GABBR2: variants seen among roughly 807,000 people sequenced by gnomAD.
The protein encoded by GABBR2 is G-protein coupled receptor 51.
In GABBR2, 23 loss-of-function variants were observed where a neutral mutation model predicts 105.6. That is an observed-to-expected ratio of 0.22 (90% CI 0.16 to 0.31). GABBR2 has a LOEUF of 0.31. Among genes scored for constraint, GABBR2 ranks in the 10% least tolerant of loss-of-function variants. GABBR2 has a pLI of 1.00. For missense variants in GABBR2, 734 were observed against 1,245.5 expected, an observed-to-expected ratio of 0.59 and a Z score of 6.18; for synonymous variants, 478 against 499.7, an observed-to-expected ratio of 0.96 and a Z score of 0.58.
intron 18 of GABBR2, among the ~76,000 whole-genome samples, chr9:98,293,319 C>T (rs1466089240): frequency 1.3e-5 from 2 of 152,110 alleles, no homozygotes; most frequent in Non-Finnish European, 2.9e-5. Flanking sequence ...GTTTGACATG[C>T]CACTTCTTGC....
intron 7 of GABBR2, among the ~76,000 whole-genome samples, chr9:98,444,375 G>T (rs552300707): frequency 6.6e-6 from 1 of 152,242 alleles, no homozygotes; most frequent in South Asian, 2.1e-4. Flanking sequence ...GAGAGAGGAG[G>T]GGAGAGACCT....
chr9:98,324,855 T>G (rs1312736155), intron 13 of GABBR2, among the ~76,000 whole-genome samples: 2 of 152,184 alleles, frequency 1.3e-5, no homozygotes, highest in African/African-American at 4.8e-5. Flanking sequence ...TCATTATAAC[T>G]ATAAACCTGT....
chr9:98,649,690 T>G (rs1343447423), intron 1 of GABBR2, among the ~76,000 whole-genome samples: 1 of 152,330 alleles, frequency 6.6e-6, no homozygotes, highest in Middle Eastern at 3.4e-3. Flanking sequence ...CCTGTGTTCA[T>G]GCCTACAGGA....
intron 8 of GABBR2, among the ~76,000 whole-genome samples, chr9:98,401,573 T>G (rs1832395282): frequency 6.6e-6 from 1 of 152,216 alleles, no homozygotes; most frequent in Admixed American, 6.5e-5. Context: ...ACCCTGCTGG[T>G]ATATCCTGAA....
chr9:98,474,948 T>C (rs1826756627), intron 5 of GABBR2, among the ~76,000 whole-genome samples: 1 of 152,108 alleles, frequency 6.6e-6, no homozygotes, highest in Admixed American at 6.5e-5. Context: ...TTGGGGTACA[T>C]GTGAGTTAAA....
intron 7 of GABBR2, among the ~76,000 whole-genome samples, chr9:98,447,060 C>CTTTTTTTTTTTTTTTT (rs1564072366): frequency 8.6e-6 from 1 of 115,874 alleles, no homozygotes; most frequent in Admixed American, 9.3e-5. Context: ...CTAAAAAAGA[C>CTTTTTTTTTTTTTTTT]TTCTTTTTTT....
At chr9:98,386,211 G>T (rs1016926389) in intron 10 of GABBR2, among the ~76,000 whole-genome samples, 1 of 143,380 alleles carries the variant, frequency 7.0e-6, no homozygotes, top group Non-Finnish European at 1.5e-5. Flanking sequence ...TAAGTCAACA[G>T]GTTTTTTTTT....
At chr9:98,592,111 T>C (rs750989789) in intron 1 of GABBR2, among the ~76,000 whole-genome samples, 20 of 152,084 alleles carry the variant, frequency 1.3e-4, no homozygotes, top group Non-Finnish European at 2.4e-4. Flanking sequence ...AAATGAAAAC[T>C]CTGGAGAGGC....
Position 98,640,121 on chromosome 9 carries a change from C to CATATATATATATAT in GABBR2, c.322-62063_322-62050dup, listed in dbSNP as rs6151094. Reference sequence around the variant, plus strand: ...AGTTTTGAGCCTTTGAAAATACAACCATATATATATATATATATATATATA... The same window carrying CATATATATATATAT: ...AGTTTTGAGCCTTTGAAAATACAACCATATATATATATATATATATATATATATATATATATATA... On this transcript the variant is annotated intron_variant, in intron 1 of 18. Coordinates refer to ENST00000259455, the MANE Select transcript of GABBR2 (RefSeq NM_005458.8). 6.0e-3 allele frequency among the ~76,000 whole-genome samples: 839 copies of CATATATATATATAT among 140,778 alleles called. 6 individuals are homozygous for CATATATATATATAT. The highest frequency in any genetic ancestry group is 0.023 in the Middle Eastern group (6 of 260). The allele number at this position is 140,778 out of a possible 152,430, so 92.4% of individuals were successfully genotyped here.
At chr9:98,603,362 G>T (rs545013952) in intron 1 of GABBR2, among the ~76,000 whole-genome samples, 1 of 152,170 alleles carries the variant, frequency 6.6e-6, no homozygotes. Context: ...AATGGCCAAG[G>T]TTCATTCATG....
chr9:98,364,689 T>C (rs902539248), intron 12 of GABBR2, among the ~76,000 whole-genome samples: 3 of 150,778 alleles, frequency 2.0e-5, no homozygotes, highest in African/African-American at 7.4e-5. Flanking sequence ...CTCCACTTCC[T>C]TCCTGGGTTC....
Position 98,573,435 on chromosome 9 carries a change from A to G in GABBR2, c.459+4500T>C, listed in dbSNP as rs927638488. Among the ~76,000 whole-genome samples the G allele has an allele frequency of 3.9e-5, 6 of 152,102 alleles. No homozygotes were observed. The East Asian group carries it at 1.2e-3, about 29-fold the overall frequency. The stretch of plus-strand genomic sequence containing the variant: ...GTTCCTGGGACCACAGGAGTGTGCC[A>G]CCACACCCGGCTAAATTTTATAATT... On this transcript the variant is annotated intron_variant, in intron 2 of 18. Coordinates refer to ENST00000259455, the MANE Select transcript of GABBR2 (RefSeq NM_005458.8).
Position 98,708,342 on chromosome 9 carries a change from G to A in GABBR2, c.321+75C>T, listed in dbSNP as rs528370562. ...TCAATCGGGGATCTGACCAAAGGCC[G>A]GAGGTTGCCTGTGTCCAAACCACCC... is the stretch of plus-strand genomic sequence containing the variant. On this transcript the variant is annotated intron_variant, in intron 1 of 18. Coordinates refer to ENST00000259455, the MANE Select transcript of GABBR2 (RefSeq NM_005458.8). 7.8e-6 allele frequency: 10 copies of A among 1,277,202 alleles called. No individual in the cohort carries two copies. The South Asian group carries it at 1.7e-4, about 22-fold the overall frequency. 79.1% of individuals were successfully genotyped at this position (1,277,202 alleles called of 1,614,324 possible).
intron 1 of GABBR2, among the ~76,000 whole-genome samples, chr9:98,618,486 ATCTCTCTCTC>A (rs10611275): frequency 0.04 from 5,824 of 145,096 alleles, 144 homozygotes; most frequent in African/African-American, 0.071. Context: ...GGTCTGCTGC[ATCTCTCTCTC>A]TCTCTCTCTC....
At chr9:98,600,327 C>T (rs1057299166) in intron 1 of GABBR2, among the ~76,000 whole-genome samples, 1 of 152,132 alleles carries the variant, frequency 6.6e-6, no homozygotes, top group Admixed American at 6.5e-5. Flanking sequence ...CTGACCTCCC[C>T]GCTCCAATAG....
Position 98,306,421 on chromosome 9 carries a change from G to A in GABBR2, c.2005-76C>T. 2.1e-6 allele frequency: 2 copies of A among 944,514 alleles called. No individual in the cohort carries two copies. Among genetic ancestry groups the A allele is most frequent in the Non-Finnish European group, 3.4e-6 (2 of 595,058 alleles). 58.5% of individuals were successfully genotyped at this position (944,514 alleles called of 1,614,324 possible). ...CACACAGGCTGCTCTGAGAAGCTGT[G>A]GAGTGGAGGGTTACTCAGGAGGTGG... On this transcript the variant is annotated intron_variant, in intron 14 of 18. Coordinates refer to ENST00000259455, the MANE Select transcript of GABBR2 (RefSeq NM_005458.8). The surrounding 1 kb of genome is among the most constrained non-coding windows in gnomAD (Gnocchi z 5.4).
At chr9:98,439,474 C>T (rs1825992561) in intron 7 of GABBR2, among the ~76,000 whole-genome samples, 1 of 152,192 alleles carries the variant, frequency 6.6e-6, no homozygotes, top group South Asian at 2.1e-4. Flanking sequence ...TTAATACTAA[C>T]ATAAATGTTA....
chr9:98,560,482 T>TAC lies in GABBR2; in HGVS notation c.459+17451_459+17452dup, dbSNP rs750235644. ...ATATACATGCACACACACACACATA[T>TAC]ACACACACACACATACACACAAAAT... On this transcript the variant is annotated intron_variant, in intron 2 of 18. Coordinates refer to ENST00000259455, the MANE Select transcript of GABBR2 (RefSeq NM_005458.8). Among the ~76,000 whole-genome samples the TAC allele has an allele frequency of 1.1e-4, 15 of 130,608 alleles. 2 individuals carry two copies. The South Asian group carries it at 2.0e-3, about 17-fold the overall frequency. 85.7% of individuals were successfully genotyped at this position (130,608 alleles called of 152,430 possible).
chr9:98,419,220 T>C (rs1832740222), intron 7 of GABBR2, among the ~76,000 whole-genome samples: 2 of 151,988 alleles, frequency 1.3e-5, no homozygotes, highest in East Asian at 3.9e-4. Flanking sequence ...AAAGGAAAAA[T>C]GGACAAGATT....
Sources: allele counts gnomAD v4.1 joint callset (sites outside exome capture counted in the v4.1 genomes callset), GRCh38; gene constraint gnomAD v4.1.1; non-coding constraint Gnocchi (gnomAD v3.1); transcripts MANE v1.5; gene names NCBI Gene and HGNC (gene_info 2026-07-23, HGNC 2026-07-21).